The following SLC17A5 variants were observed in gnomAD, a reference collection of about 807,000 sequenced individuals.
SLC17A5 encodes solute carrier family 17 member 5, also known as sialin.
In SLC17A5, 47 loss-of-function variants were observed where a neutral mutation model predicts 59.4. That is an observed-to-expected ratio of 0.79 (90% CI 0.63 to 1.01). The LOEUF is 1.01. Ranked by LOEUF, SLC17A5 falls within the 50% of genes least tolerant of loss-of-function variation. The probability of loss-of-function intolerance (pLI) is 0.00; values close to 1 mark genes in which losing one functional copy is unlikely to be tolerated. For missense variants in SLC17A5, 522 were observed against 595.5 expected, an observed-to-expected ratio of 0.88 and a Z score of 1.28; for synonymous variants, 202 against 210.7, an observed-to-expected ratio of 0.96 and a Z score of 0.36.
intron 1 of SLC17A5, chr6:73,645,216 G>T: frequency 2.5e-6 from 1 of 393,776 alleles, no homozygotes; most frequent in Non-Finnish European, 3.5e-6. Flanking sequence ...CCATCTCATT[G>T]TTAAATGTAG....
chr6:73,612,880 T>C (rs1465911918), intron 8 of SLC17A5, among the ~76,000 whole-genome samples: 1 of 152,144 alleles, frequency 6.6e-6, no homozygotes, highest in African/African-American at 2.4e-5. Flanking sequence ...GGTAAAACCA[T>C]GTCTCTACAA....
At chr6:73,617,045 C>T (rs1047480938) in intron 7 of SLC17A5, among the ~76,000 whole-genome samples, 1 of 151,658 alleles carries the variant, frequency 6.6e-6, no homozygotes, top group East Asian at 2.0e-4. Context: ...AATCCCAGCA[C>T]TTTGGGAGGC....
At chr6:73,621,289 G>A (rs1391052808) in intron 7 of SLC17A5, among the ~76,000 whole-genome samples, 7 of 152,176 alleles carry the variant, frequency 4.6e-5, no homozygotes, top group Non-Finnish European at 1.0e-4. Flanking sequence ...ATAGGCGTGA[G>A]CGACCGCGCC....
rs2150118328 is a variant in SLC17A5, at chr6:73,641,775, A to G, written c.441T>C (p.Ala147=). Residue 147 remains alanine, a synonymous_variant, in exon 3 of 11, where the codon GCT becomes GCC. Coordinates refer to ENST00000355773, the MANE Select transcript of SLC17A5 (RefSeq NM_012434.5). ...CAATGGGAGTGAACAGGGTGAGGACAGCAGTGCCAAGGATCCCAAATCCTA... is the reference window on the plus strand; with the variant it reads ...CAATGGGAGTGAACAGGGTGAGGACGGCAGTGCCAAGGATCCCAAATCCTA... ...MLLGFGILGT[A]VLTLFTPIAA... is the part of the protein sequence containing the mutation. 1 of 1,614,208 alleles carries G rather than the reference A, an allele frequency of 6.2e-7. No homozygotes were observed. Among genetic ancestry groups the G allele is most frequent in the Middle Eastern group, 1.6e-4 (1 of 6,062 alleles).
chr6:73,623,040 CTATTT>C (rs1267623219), intron 6 of SLC17A5, among the ~76,000 whole-genome samples: 8 of 151,928 alleles, frequency 5.3e-5, no homozygotes, highest in Admixed American at 3.9e-4. Flanking sequence ...AGTTTAAGTA[CTATTT>C]TATTTTATTT....
chr6:73,653,404 A>G, intron 1 of SLC17A5: 1 of 985,332 alleles, frequency 1.0e-6, no homozygotes, highest in East Asian at 1.1e-4. Flanking sequence ...TAGCCCATTC[A>G]TTTGATGATT....
At chr6:73,598,010 A>G (rs576298128) in intron 10 of SLC17A5, among the ~76,000 whole-genome samples, 1 of 152,310 alleles carries the variant, frequency 6.6e-6, no homozygotes, top group South Asian at 2.1e-4. Flanking sequence ...CTGCTGAGGA[A>G]TCAGTCAATA....
At chr6:73,603,059 T>C (rs1767223838) in intron 9 of SLC17A5, among the ~76,000 whole-genome samples, 1 of 152,210 alleles carries the variant, frequency 6.6e-6, no homozygotes, top group South Asian at 2.1e-4. Context: ...TATCCTATTT[T>C]TTTCTGTCTG....
At chr6:73,601,509 T>TGG (rs756815439) in intron 9 of SLC17A5, among the ~76,000 whole-genome samples, 1 of 60,060 alleles carries the variant, frequency 1.7e-5, no homozygotes, top group African/African-American at 8.9e-5. Flanking sequence ...GGGAGGGAGG[T>TGG]GGGGGGGTCA....
chr6:73,619,681 G>A (rs1768049308), intron 7 of SLC17A5, among the ~76,000 whole-genome samples: 1 of 151,902 alleles, frequency 6.6e-6, no homozygotes, highest in Non-Finnish European at 1.5e-5. Context: ...AATGAAAGAA[G>A]GTCCTATATT....
chr6:73,611,911 C>T (rs183431172), intron 8 of SLC17A5, among the ~76,000 whole-genome samples: 18 of 152,286 alleles, frequency 1.2e-4, no homozygotes, highest in African/African-American at 4.1e-4. Flanking sequence ...TGGCTCACTG[C>T]AGCCTTGACT....
chr6:73,596,565 A>C (rs947329056), intron 10 of SLC17A5, among the ~76,000 whole-genome samples: 6 of 152,248 alleles, frequency 3.9e-5, no homozygotes, highest in African/African-American at 1.4e-4. Flanking sequence ...GCATTAACTA[A>C]GAAACACACG....
chr6:73,643,273 G>C (rs970688668), intron 2 of SLC17A5, among the ~76,000 whole-genome samples: 1 of 147,552 alleles, frequency 6.8e-6, no homozygotes, highest in African/African-American at 2.5e-5. Flanking sequence ...CCATTCCCCC[G>C]CTTCAGCCTC....
intron 6 of SLC17A5, among the ~76,000 whole-genome samples, chr6:73,632,434 CTTTT>C (rs1163170650): frequency 0.096 from 8,243 of 86,170 alleles, 390 homozygotes; most frequent in Middle Eastern, 0.13. Flanking sequence ...GTAGAGAAAG[CTTTT>C]TTTTTTTTTT....
At chr6:73,622,081 C>T in intron 6 of SLC17A5, 119 bp from the exon 7 acceptor site, 3 of 904,872 alleles carry the variant, frequency 3.3e-6, no homozygotes, top group Non-Finnish European at 5.2e-6. Context: ...TAGTAAACTC[C>T]AAATTTTTAA....
At chr6:73,597,491 AAAAAC>A (rs1766869908) in intron 10 of SLC17A5, among the ~76,000 whole-genome samples, 1 of 147,960 alleles carries the variant, frequency 6.8e-6, no homozygotes, top group Admixed American at 6.7e-5. Context: ...ACAAAACAAA[AAAAAC>A]CAAGCAGGCC....
At chr6:73,611,802 A>T (rs967433796) in intron 8 of SLC17A5, among the ~76,000 whole-genome samples, 1 of 53,346 alleles carries the variant, frequency 1.9e-5, no homozygotes, top group Non-Finnish European at 3.8e-5. Flanking sequence ...AGGAACTTTA[A>T]AAAAAGTTCA....
At chr6:73,641,577 T>C in intron 3 of SLC17A5, 114 bp downstream of exon 3, 3 of 786,230 alleles carry the variant, frequency 3.8e-6, no homozygotes, top group Non-Finnish European at 6.3e-6. Context: ...AATAAACCCC[T>C]GTTATCATCC....
intron 1 of SLC17A5, among the ~76,000 whole-genome samples, chr6:73,644,838 A>G (rs1350693385): frequency 6.6e-6 from 1 of 152,236 alleles, no homozygotes; most frequent in Non-Finnish European, 1.5e-5. Context: ...TTTTAAAAGT[A>G]CAAAAATAAT....
Sources: allele counts gnomAD v4.1 joint callset (sites outside exome capture counted in the v4.1 genomes callset), GRCh38; gene constraint gnomAD v4.1.1; transcripts MANE v1.5; gene names NCBI Gene and HGNC (gene_info 2026-07-23, HGNC 2026-07-21).